TTC28: variants seen among roughly 807,000 people sequenced by gnomAD.
The protein encoded by TTC28 is tetratricopeptide repeat domain 28.
Under a neutral mutation model 198.0 loss-of-function variants are expected in TTC28, and 61 were observed. The observed-to-expected ratio is 0.31, with a 90% CI of 0.25 to 0.38. The LOEUF is 0.38. Among genes scored for constraint, TTC28 ranks in the 10% least tolerant of loss-of-function variants. The probability of loss-of-function intolerance (pLI) is 1.00; values close to 1 mark genes in which losing one functional copy is unlikely to be tolerated. For synonymous variants in TTC28, 1,171 were observed against 1,297.8 expected (o/e 0.90, Z 2.10); for missense variants, 2,678 against 3,164.0 (o/e 0.85, Z 3.69).
intron 2 of TTC28, among the ~76,000 whole-genome samples, chr22:28,351,828 C>A (rs2046000880): frequency 6.6e-6 from 1 of 152,150 alleles, no homozygotes; most frequent in Non-Finnish European, 1.5e-5. Context: ...CGAAGAGACA[C>A]AAATGGTTGA....
At chr22:28,525,916 A>G (rs1268579615) in intron 2 of TTC28, among the ~76,000 whole-genome samples, 2 of 152,210 alleles carry the variant, frequency 1.3e-5, no homozygotes, top group Admixed American at 6.5e-5. Flanking sequence ...CAAACACTAT[A>G]GTATCTACTA....
Position 28,677,176 on chromosome 22 carries a change from ATATAT to A in TTC28, c.102+2441_102+2445del, listed in dbSNP as rs1320175889. On this transcript the variant is annotated intron_variant, in intron 1 of 22. Coordinates refer to ENST00000397906, the MANE Select transcript of TTC28 (RefSeq NM_001145418.2). ...ATCTCAGGAAAAAAAAAAAAAAAAA[ATATAT>A]ATATATATATATATATATATACACA... is the stretch of plus-strand genomic sequence containing the variant. Among the ~76,000 whole-genome samples, 519 of 59,338 alleles carry A rather than the reference ATATAT, an allele frequency of 8.7e-3. 14 individuals carry two copies. Among genetic ancestry groups the A allele is most frequent in the Middle Eastern group, 0.022 (2 of 90 alleles). The allele number at this position is 59,338 out of a possible 152,430, so 38.9% of individuals were successfully genotyped here. A position where few individuals can be genotyped will look rare whatever the true frequency, so the allele number is the denominator to read the frequency against.
At chr22:28,186,259 A>G (rs1924195927) in intron 5 of TTC28, among the ~76,000 whole-genome samples, 1 of 152,144 alleles carries the variant, frequency 6.6e-6, no homozygotes, top group Non-Finnish European at 1.5e-5. Flanking sequence ...AAGTTTGCCA[A>G]CCTGCCCATA....
At chr22:28,080,883 A>G (rs1941325936) in intron 12 of TTC28, among the ~76,000 whole-genome samples, 1 of 152,084 alleles carries the variant, frequency 6.6e-6, no homozygotes, top group East Asian at 1.9e-4. Context: ...ATAAGGGTCC[A>G]ACGTTTTTCC....
chr22:28,188,278 C>T (rs890129157), intron 5 of TTC28, among the ~76,000 whole-genome samples: 1 of 152,032 alleles, frequency 6.6e-6, no homozygotes, highest in East Asian at 1.9e-4. Flanking sequence ...AAGATATCCA[C>T]AAAATTTTGG....
Position 28,325,141 on chromosome 22 carries a change from C to T in TTC28, c.382-18498G>A, listed in dbSNP as rs533071309. 2.1e-3 allele frequency among the ~76,000 whole-genome samples: 319 copies of T among 151,546 alleles called. 2 individuals carry two copies. Among genetic ancestry groups the T allele is most frequent in the African/African-American group, 6.8e-3 (280 of 41,304 alleles). ...TGGTTGGTAAGCTATTAATTATTGC[C>T]TCAATTTCAGAGCCTGTTATTGGTG... is the stretch of plus-strand genomic sequence containing the variant. On this transcript the variant is annotated intron_variant, in intron 2 of 22. Transcript: ENST00000397906.
At chr22:28,391,247 C>T (rs1485271565) in intron 2 of TTC28, among the ~76,000 whole-genome samples, 1 of 152,164 alleles carries the variant, frequency 6.6e-6, no homozygotes, top group Non-Finnish European at 1.5e-5. Context: ...GTGGGTAACC[C>T]GACCTTTCTC....
intron 2 of TTC28, among the ~76,000 whole-genome samples, chr22:28,569,693 G>A (rs973742905): frequency 6.6e-6 from 1 of 152,006 alleles, no homozygotes; most frequent in Admixed American, 6.6e-5. Context: ...TGCAACAAAA[G>A]CAAAAAATTG....
intron 13 of TTC28, among the ~76,000 whole-genome samples, chr22:28,025,524 A>G (rs543384508): frequency 1.3e-5 from 2 of 152,304 alleles, no homozygotes; most frequent in East Asian, 1.9e-4. Flanking sequence ...GGGCTTTTGC[A>G]GCACTGCTGC....
At chr22:28,378,974 T>C (rs2046455148) in intron 2 of TTC28, among the ~76,000 whole-genome samples, 1 of 152,056 alleles carries the variant, frequency 6.6e-6, no homozygotes, top group Non-Finnish European at 1.5e-5. Flanking sequence ...TCATAATCAA[T>C]TTTTTAAATA....
intron 20 of TTC28, 120 bp downstream of exon 20, chr22:27,990,668 GC>G (rs1255967423): frequency 2.1e-6 from 2 of 945,166 alleles, no homozygotes; most frequent in Non-Finnish European, 3.1e-6. Context: ...GGGCGCCGCA[GC>G]CCGTGTGGCT....
intron 2 of TTC28, among the ~76,000 whole-genome samples, chr22:28,551,037 C>G (rs2049661202): frequency 2.0e-5 from 3 of 152,036 alleles, no homozygotes; most frequent in Admixed American, 2.0e-4. Context: ...ATGCACCTAA[C>G]ACTGGAGCCC....
chr22:28,647,160 C>T (rs2051483007), intron 1 of TTC28, among the ~76,000 whole-genome samples: 1 of 152,100 alleles, frequency 6.6e-6, no homozygotes, highest in African/African-American at 2.4e-5. Context: ...GTATATGGTG[C>T]TGGGAAGACT....
intron 2 of TTC28, among the ~76,000 whole-genome samples, chr22:28,600,120 C>T (rs1462289554): frequency 6.6e-6 from 1 of 152,086 alleles, no homozygotes; most frequent in African/African-American, 2.4e-5. Flanking sequence ...ATGGGAGAGG[C>T]ACGGTGGCTC....
chr22:28,512,438 G>A (rs981913622), intron 2 of TTC28, among the ~76,000 whole-genome samples: 1 of 152,068 alleles, frequency 6.6e-6, no homozygotes, highest in African/African-American at 2.4e-5. Context: ...CATACCCAAA[G>A]GAATATAAAC....
At chr22:28,642,231 G>A (rs2051379761) in intron 1 of TTC28, among the ~76,000 whole-genome samples, 1 of 151,280 alleles carries the variant, frequency 6.6e-6, no homozygotes, top group African/African-American at 2.4e-5. Context: ...AAAAAAAGTA[G>A]GGGGAGGAAA....
intron 2 of TTC28, 57 bp from the exon 3 acceptor site, chr22:28,306,700 T>C (rs1283920802): frequency 1.1e-5 from 17 of 1,530,086 alleles, no homozygotes; most frequent in Non-Finnish European, 1.4e-5. Flanking sequence ...AGGCTGATGG[T>C]GATTCTTTAC....
chr22:28,616,373 T>TCA (rs927617387), intron 2 of TTC28, among the ~76,000 whole-genome samples: 2 of 152,238 alleles, frequency 1.3e-5, no homozygotes, highest in African/African-American at 4.8e-5. Flanking sequence ...AACTAGCTTG[T>TCA]CATAATAAGC....
intron 2 of TTC28, among the ~76,000 whole-genome samples, chr22:28,347,284 A>AT: frequency 6.6e-6 from 1 of 151,610 alleles, no homozygotes; most frequent in South Asian, 2.1e-4. Flanking sequence ...AAAAAAAAAA[A>AT]ACAAAAAAAG....
Sources: allele counts gnomAD v4.1 joint callset (sites outside exome capture counted in the v4.1 genomes callset), GRCh38; gene constraint gnomAD v4.1.1; transcripts MANE v1.5; gene names NCBI Gene and HGNC (gene_info 2026-07-23, HGNC 2026-07-21).